The following DUSP16 variants were observed in gnomAD, a reference collection of about 807,000 sequenced individuals.
DUSP16 encodes the protein dual specificity protein phosphatase 16.
In DUSP16, 21 loss-of-function variants were observed where a neutral mutation model predicts 58.3. The observed-to-expected ratio is 0.36, with a 90% confidence interval of 0.26 to 0.52. The LOEUF (loss-of-function observed/expected upper bound fraction) is 0.52. DUSP16 is among the 20% of genes least tolerant of loss of function. The pLI is 0.94. For missense variants in DUSP16, 726 were observed against 819.0 expected, an observed-to-expected ratio of 0.89 and a Z score of 1.39; for synonymous variants, 320 against 323.8, an observed-to-expected ratio of 0.99 and a Z score of 0.12.
At chr12:12,542,852 A>G (rs1188179685) in intron 1 of DUSP16, among the ~76,000 whole-genome samples, 1 of 152,142 alleles carries the variant, frequency 6.6e-6, no homozygotes, top group African/African-American at 2.4e-5. Context: ...GTCCATTGTG[A>G]TAGTATCTGA....
In DUSP16 at chr12:12,475,014, C is replaced by CT. The variant is rs1266400037; in HGVS notation, c.*1818dup. ...ATCATAGCACATTATTTGTGCACAA[C>CT]TAGTGAGGTCTGTGCGGCTCATCAT... On this transcript the variant is annotated 3_prime_UTR_variant, in exon 7 of 7. Transcript: ENST00000298573. The CT allele has an allele frequency of 2.6e-5, 4 of 152,232 alleles. No individual in the cohort carries two copies. In the East Asian group the frequency reaches 5.8e-4, roughly 22 times the overall value. The allele number at this position is 152,232 out of a possible 1,614,324, so 9.4% of individuals were successfully genotyped here.
chr12:12,492,008 T>C lies in DUSP16; in HGVS notation c.532-4821A>G, dbSNP rs553771923. 4.6e-5 allele frequency among the ~76,000 whole-genome samples: 7 copies of C among 152,276 alleles called. No homozygotes were observed. The South Asian group carries it at 1.5e-3, about 32-fold the overall frequency. ...TCAGTTATTACAATCACTCCTTTCCTTTTACCCCAACTTCCTCTGCCCTCA... is the reference window on the plus strand; with the variant it reads ...TCAGTTATTACAATCACTCCTTTCCCTTTACCCCAACTTCCTCTGCCCTCA... On this transcript the variant is annotated intron_variant, in intron 4 of 6. Coordinates refer to ENST00000298573, the MANE Select transcript of DUSP16 (RefSeq NM_030640.3).
intron 1 of DUSP16, among the ~76,000 whole-genome samples, chr12:12,556,933 CTTTTG>C (rs1944814565): frequency 6.6e-6 from 1 of 152,120 alleles, no homozygotes; most frequent in Non-Finnish European, 1.5e-5. Context: ...TACATCTTTT[CTTTTG>C]TATGTTCCCA....
rs535245321 is a variant in DUSP16 at position 12,521,018 on chromosome 12, C to T, written c.81G>A (p.Leu27=). The change falls in exon 2 of 7, where the codon CTG becomes CTA. Residue 27 remains leucine (L), a synonymous_variant. Transcript: ENST00000298573. Reference sequence around the variant, plus strand: ...CCACAAATGGCCGGCTATCAATTAGCAGCACTTTTTCCGTTCCACTTTCCA... The same window carrying T: ...CCACAAATGGCCGGCTATCAATTAGTAGCACTTTTTCCGTTCCACTTTCCA... ...ALLESGTEKV[L]LIDSRPFVEY... 2 of 1,614,186 alleles carry T rather than the reference C, an allele frequency of 1.2e-6. No homozygotes were observed. Among genetic ancestry groups the T allele is most frequent in the Admixed American group, 1.7e-5 (1 of 60,026 alleles).
chr12:12,510,610 G>GT (rs1185923186), intron 3 of DUSP16, among the ~76,000 whole-genome samples: 1 of 152,216 alleles, frequency 6.6e-6, no homozygotes. Flanking sequence ...CCTACTATGA[G>GT]TTTGACATAG....
chr12:12,525,897 G>A lies in DUSP16; in HGVS notation c.-365-4434C>T, dbSNP rs373464600. Among the ~76,000 whole-genome samples, 82 of 152,170 alleles carry A rather than the reference G, an allele frequency of 5.4e-4. 3 individuals carry two copies. The East Asian group carries it at 0.015, about 27-fold the overall frequency. ...CCTGTTTTATGACATACTAGTTAGA[G>A]AGTACCCTCTATAACTACTCTGGCT... On this transcript the variant is annotated intron_variant, in intron 1 of 6. Coordinates refer to ENST00000298573, the MANE Select transcript of DUSP16 (RefSeq NM_030640.3).
Position 12,474,903 on chromosome 12 carries a change from C to CT in DUSP16, c.*1929dup, listed in dbSNP as rs1485732597. On this transcript the variant is annotated 3_prime_UTR_variant, in exon 7 of 7. Coordinates refer to ENST00000298573, the MANE Select transcript of DUSP16 (RefSeq NM_030640.3). ...TCTGATTAAAGATTTCAATGTATAT[C>CT]TAAAAACTAACTCAAATCGTTGACC... 2.4e-4 allele frequency: 37 copies of CT among 152,278 alleles called. No individual in the cohort carries two copies. The highest frequency in any genetic ancestry group is 1.5e-3 in the Admixed American group (23 of 15,292). The allele number at this position is 152,278 out of a possible 1,614,324, so 9.4% of individuals were successfully genotyped here.
rs559077873 is a variant in DUSP16 at position 12,532,972 on chromosome 12, A to G, written c.-365-11509T>C. Among the ~76,000 whole-genome samples, 387 of 151,096 alleles carry G rather than the reference A, an allele frequency of 2.6e-3. 1 individual carries two copies. The highest frequency in any genetic ancestry group is 5.1e-3 in the Admixed American group (78 of 15,170). ...TCAAAAAAAAAAAAAAACAAAGAAG[A>G]TGAACAAATGTAATGTATGGAAATT... On this transcript the variant is annotated intron_variant, in intron 1 of 6. Coordinates refer to ENST00000298573, the MANE Select transcript of DUSP16 (RefSeq NM_030640.3).
At chr12:12,544,273 T>C (rs1203800496) in intron 1 of DUSP16, among the ~76,000 whole-genome samples, 2 of 152,222 alleles carry the variant, frequency 1.3e-5, no homozygotes, top group Non-Finnish European at 2.9e-5. Context: ...TTCATATCTA[T>C]GTTGTTGTAA....
chr12:12,480,875 C>CG (rs1183680675), intron 5 of DUSP16, among the ~76,000 whole-genome samples: 14 of 152,206 alleles, frequency 9.2e-5, no homozygotes, highest in Admixed American at 7.2e-4. Context: ...TGCAGCACCA[C>CG]GCCTGGCTAA....
intron 1 of DUSP16, among the ~76,000 whole-genome samples, chr12:12,557,450 C>T (rs981297804): frequency 1.4e-5 from 2 of 144,074 alleles, no homozygotes; most frequent in African/African-American, 2.6e-5. Context: ...AGCAAGACTC[C>T]GTCTCAAAAA....
intron 1 of DUSP16, among the ~76,000 whole-genome samples, chr12:12,534,351 G>A (rs574522143): frequency 6.6e-6 from 1 of 152,314 alleles, no homozygotes; most frequent in South Asian, 2.1e-4. Context: ...ACCACAAAGT[G>A]ACAGGCCAAG....
At chr12:12,497,806 T>C (rs1328057593) in intron 4 of DUSP16, among the ~76,000 whole-genome samples, 1 of 151,690 alleles carries the variant, frequency 6.6e-6, no homozygotes, top group Non-Finnish European at 1.5e-5. Context: ...CCCGTCTATA[T>C]TAAAAATACA....
At position 12,477,813 on chromosome 12, in the gene DUSP16, G is replaced by A; in HGVS notation, c.1018C>T (p.Pro340Ser). 1 of 1,614,060 alleles carries A rather than the reference G, an allele frequency of 6.2e-7. No homozygotes were observed. Among genetic ancestry groups the A allele is most frequent in the Non-Finnish European group, 8.5e-7 (1 of 1,180,034 alleles). Residue 340 changes from proline to serine, a missense_variant, in exon 7 of 7, where the codon CCC becomes TCC. Physicochemically the swap from Pro to Ser is moderately conservative, Grantham distance 74. Coordinates refer to ENST00000298573, the MANE Select transcript of DUSP16 (RefSeq NM_030640.3). This position sits in a 1 kb window ranked among gnomAD's most constrained non-coding sequence, Gnocchi z 4.1. ...GQKSETPLSP[P>S]CADSATSEAA... ...TCTGAGGTAGCAGAGTCGGCACAGGGTGGACTGAGGGGCGTCTCGCTTTTC... is the reference window on the plus strand; with the variant it reads ...TCTGAGGTAGCAGAGTCGGCACAGGATGGACTGAGGGGCGTCTCGCTTTTC...
In DUSP16 at chr12:12,485,824, C is replaced by T. The variant is rs569991097; in HGVS notation, c.691+1204G>A. Among the ~76,000 whole-genome samples the T allele has an allele frequency of 1.8e-3, 224 of 122,544 alleles. 1 individual carries two copies. Among genetic ancestry groups the T allele is most frequent in the Middle Eastern group, 7.2e-3 (1 of 138 alleles). The allele number at this position is 122,544 out of a possible 152,430, so 80.4% of individuals were successfully genotyped here. Reference sequence around the variant, plus strand: ...TTTTTTTTTTTTGGAGACAGAGTCTCACTCTGCTGCCTAGGCTGGAGTGCA... The same window carrying T: ...TTTTTTTTTTTTGGAGACAGAGTCTTACTCTGCTGCCTAGGCTGGAGTGCA... On this transcript the variant is annotated intron_variant, in intron 5 of 6. Transcript: ENST00000298573.
chr12:12,476,088 A>G lies in DUSP16; in HGVS notation c.*745T>C, dbSNP rs949062161. 1 of 152,538 alleles carries G rather than the reference A, an allele frequency of 6.6e-6. No individual in the cohort carries two copies. The highest frequency in any genetic ancestry group is 2.4e-5 in the African/African-American group (1 of 41,452). The allele number at this position is 152,538 out of a possible 1,614,324, so 9.4% of individuals were successfully genotyped here. A position where few individuals can be genotyped will look rare whatever the true frequency, so the allele number is the denominator to read the frequency against. The stretch of plus-strand genomic sequence containing the variant: ...ATAAAGCTGAGAAGAAAAAAAAATT[A>G]TCTCCATCTAGGCCCACGGGAATTT... On this transcript the variant is annotated 3_prime_UTR_variant, in exon 7 of 7. Coordinates refer to ENST00000298573, the MANE Select transcript of DUSP16 (RefSeq NM_030640.3).
chr12:12,509,707 G>A (rs1269319906), intron 3 of DUSP16, among the ~76,000 whole-genome samples: 1 of 152,274 alleles, frequency 6.6e-6, no homozygotes, highest in East Asian at 1.9e-4. Context: ...ATTTAGCATA[G>A]TGCCTGGCAC....
Position 12,557,544 on chromosome 12 carries a change from T to C in DUSP16, c.-366+4573A>G, listed in dbSNP as rs575518546. Among the ~76,000 whole-genome samples, 6 of 152,340 alleles carry C rather than the reference T, an allele frequency of 3.9e-5. No individual in the cohort carries two copies. The East Asian group carries it at 1.2e-3, about 29-fold the overall frequency. On this transcript the variant is annotated intron_variant, in intron 1 of 6. Transcript: ENST00000298573. ...CTTTTTCTTTAATTCCCATTTCTTTTTTTAAAAACTGGTTAATGTGTAGAT... is the reference window on the plus strand; with the variant it reads ...CTTTTTCTTTAATTCCCATTTCTTTCTTTAAAAACTGGTTAATGTGTAGAT...
chr12:12,505,104 T>C (rs1461735472), intron 3 of DUSP16, among the ~76,000 whole-genome samples: 1 of 152,220 alleles, frequency 6.6e-6, no homozygotes, highest in Non-Finnish European at 1.5e-5. Context: ...CCCTATGAGA[T>C]AGGTGTTACT....
Sources: gnomAD v4.1 joint callset for allele counts (sites outside exome capture counted in the v4.1 genomes callset) on GRCh38, gnomAD v4.1.1 for gene constraint, Gnocchi (gnomAD v3.1) non-coding constraint, MANE v1.5 for transcripts, NCBI Gene and HGNC (gene_info 2026-07-23, HGNC 2026-07-21) for gene names.